Variants in PCDHGB3 observed in about 807,000 individuals in gnomAD.
PCDHGB3 encodes the protein protocadherin gamma subfamily B, 3, also known as protocadherin gamma-B3.
Under a neutral mutation model 59.2 loss-of-function variants are expected in PCDHGB3, and 40 were observed. The ratio of observed to expected loss-of-function variants is 0.68; its 90% CI spans 0.52 to 0.88. The LOEUF (loss-of-function observed/expected upper bound fraction) is 0.88. Among genes scored for constraint, PCDHGB3 ranks in the 40% least tolerant of loss-of-function variants. The pLI is 0.00. For missense variants in PCDHGB3, 1,309 were observed against 1,187.9 expected (o/e 1.10, Z -1.50); for synonymous variants, 581 against 503.6 (o/e 1.15, Z -2.06).
intron 1 of PCDHGB3, among the ~76,000 whole-genome samples, chr5:141,455,650 C>T (rs1176718096): frequency 2.6e-5 from 4 of 151,994 alleles, no homozygotes; most frequent in African/African-American, 9.7e-5. Flanking sequence ...AGCCATGTGG[C>T]CAGGAACTTG....
chr5:141,431,090 G>C lies in PCDHGB3; in HGVS notation c.2415+58281G>C. On this transcript the variant is annotated intron_variant, in intron 1 of 3. Transcript: ENST00000576222. The surrounding 1 kb of genome is among the most constrained non-coding windows in gnomAD (Gnocchi z 4.8). ...TCAATTAAATCTAGACATTCTGATG[G>C]AGGATAAAGTGAAAATATATGGAGT... is the stretch of plus-strand genomic sequence containing the variant. 6.2e-7 allele frequency: 1 copy of C among 1,614,246 alleles called. No homozygotes were observed. The highest frequency in any genetic ancestry group is 8.5e-7 in the Non-Finnish European group (1 of 1,180,032).
intron 1 of PCDHGB3, among the ~76,000 whole-genome samples, chr5:141,445,582 T>C (rs886701142): frequency 6.6e-6 from 1 of 152,214 alleles, no homozygotes; most frequent in Non-Finnish European, 1.5e-5. Context: ...TAGGGAAGCT[T>C]CGCCTAATCT....
intron 1 of PCDHGB3, chr5:141,414,875 T>G: frequency 6.2e-7 from 1 of 1,614,196 alleles, no homozygotes; most frequent in Non-Finnish European, 8.5e-7. Context: ...CCCGAGATCC[T>G]GTACCCCGCC....
intron 1 of PCDHGB3, chr5:141,415,646 A>G: frequency 6.2e-7 from 1 of 1,600,190 alleles, no homozygotes; most frequent in South Asian, 1.1e-5. Context: ...TTTGTTAAAA[A>G]AAAAAAGATT....
intron 1 of PCDHGB3, chr5:141,427,962 G>C (rs767684725): frequency 5.0e-6 from 8 of 1,589,982 alleles, no homozygotes; most frequent in Non-Finnish European, 6.9e-6. Flanking sequence ...TGTGCCGCGG[G>C]TGCTGTACCC....
At chr5:141,395,036 G>A in intron 1 of PCDHGB3, 2 of 1,614,110 alleles carry the variant, frequency 1.2e-6, no homozygotes, top group Non-Finnish European at 8.5e-7. Context: ...CACATTTTGT[G>A]GGTGTTGAGG....
chr5:141,469,104 C>T (rs1046234848), intron 1 of PCDHGB3, among the ~76,000 whole-genome samples: 1 of 151,760 alleles, frequency 6.6e-6, no homozygotes, highest in Admixed American at 6.6e-5. Flanking sequence ...AAGCAAGAAC[C>T]TGTCTCTAAA....
intron 1 of PCDHGB3, among the ~76,000 whole-genome samples, chr5:141,479,996 G>A (rs759188600): frequency 7.2e-5 from 11 of 152,244 alleles, no homozygotes; most frequent in Middle Eastern, 3.2e-3. Context: ...CTAGGAGTCT[G>A]TGGCCAAGTT....
In PCDHGB3 at chr5:141,421,902, C is replaced by T. The variant is rs1218675162; in HGVS notation, c.2415+49093C>T. 4 of 1,613,706 alleles carry T rather than the reference C, an allele frequency of 2.5e-6. No homozygotes were observed. The South Asian group carries it at 3.3e-5, about 13-fold the overall frequency. On this transcript the variant is annotated intron_variant, in intron 1 of 3. Coordinates refer to ENST00000576222, the MANE Select transcript of PCDHGB3 (RefSeq NM_018924.5). Reference sequence around the variant, plus strand: ...ATGGAGGCGATCCCATCCGAAAGGGCGCAGTTCCCATTCGTGTGGTGGTCC... The same window carrying T: ...ATGGAGGCGATCCCATCCGAAAGGGTGCAGTTCCCATTCGTGTGGTGGTCC...
chr5:141,392,931 G>T, intron 1 of PCDHGB3: 1 of 1,613,920 alleles, frequency 6.2e-7, no homozygotes, highest in Non-Finnish European at 8.5e-7. Context: ...AGAAGAGACG[G>T]ACAAAGGCTC....
At chr5:141,404,783 G>A (rs758824309) in intron 1 of PCDHGB3, 39 of 1,613,798 alleles carry the variant, frequency 2.4e-5, no homozygotes, top group South Asian at 2.2e-4. Context: ...CCTATTCAAG[G>A]CCAGTGAGCC....
At chr5:141,418,455 C>G (rs1287627325) in intron 1 of PCDHGB3, 3 of 1,613,990 alleles carry the variant, frequency 1.9e-6, no homozygotes, top group Non-Finnish European at 2.5e-6. Flanking sequence ...TTGCAGAAGA[C>G]TCTGGACCGA....
chr5:141,375,645 A>G (rs1052759532), intron 1 of PCDHGB3: 1 of 1,614,002 alleles, frequency 6.2e-7, no homozygotes, highest in African/African-American at 1.3e-5. Flanking sequence ...CGCTCCTTCG[A>G]CTATGAGCAG....
chr5:141,459,573 T>TTC (rs2098970689), intron 1 of PCDHGB3, among the ~76,000 whole-genome samples: 1 of 152,208 alleles, frequency 6.6e-6, no homozygotes, highest in Non-Finnish European at 1.5e-5. Context: ...CAAAACAGAA[T>TTC]TGTTTTGGGG....
intron 1 of PCDHGB3, among the ~76,000 whole-genome samples, chr5:141,381,177 C>G (rs935775632): frequency 6.6e-6 from 1 of 152,214 alleles, no homozygotes; most frequent in African/African-American, 2.4e-5. Context: ...TCCCACAAAA[C>G]GAAGTTAAGC....
chr5:141,374,406 T>A (rs748431130), intron 1 of PCDHGB3: 2 of 1,614,018 alleles, frequency 1.2e-6, no homozygotes, highest in East Asian at 2.2e-5. Context: ...AGTTTTAACA[T>A]CCTTGTCGAG....
chr5:141,485,661 G>A lies in PCDHGB3; in HGVS notation c.2416-9146G>A. On this transcript the variant is annotated intron_variant, in intron 1 of 3. Transcript: ENST00000576222. This position sits in a 1 kb window ranked among gnomAD's most constrained non-coding sequence, Gnocchi z 5.7. ...GAAAAGGCTCAGGATGCAGATGTGGGGAGCAATTCGATTAGCAGCTATAGG... is the reference window on the plus strand; with the variant it reads ...GAAAAGGCTCAGGATGCAGATGTGGAGAGCAATTCGATTAGCAGCTATAGG... 2 of 1,612,678 alleles carry A rather than the reference G, an allele frequency of 1.2e-6. No individual in the cohort carries two copies. Among genetic ancestry groups the A allele is most frequent in the Non-Finnish European group, 1.7e-6 (2 of 1,178,884 alleles).
At chr5:141,509,454 G>T (rs1164813611) in intron 3 of PCDHGB3, among the ~76,000 whole-genome samples, 2 of 151,976 alleles carry the variant, frequency 1.3e-5, no homozygotes, top group African/African-American at 2.4e-5. Flanking sequence ...TCCCACCCCC[G>T]ACCCAGTCAG....
At chr5:141,427,526 G>A (rs956426158) in intron 1 of PCDHGB3, 2 of 612,866 alleles carry the variant, frequency 3.3e-6, no homozygotes, top group Middle Eastern at 2.6e-4. Context: ...AGCGGATCCC[G>A]GAGTACAACG....
Sources: gnomAD v4.1 joint callset for allele counts (sites outside exome capture counted in the v4.1 genomes callset) on GRCh38, gnomAD v4.1.1 for gene constraint, Gnocchi (gnomAD v3.1) non-coding constraint, MANE v1.5 for transcripts, NCBI Gene and HGNC (gene_info 2026-07-23, HGNC 2026-07-21) for gene names.